Variants in CCDC30 observed in about 807,000 individuals in gnomAD.
CCDC30 encodes the protein coiled-coil domain containing 30, also known as coiled-coil domain-containing protein 30.
A neutral mutation model predicts 100.2 loss-of-function variants in CCDC30; 70 were observed. That is an observed-to-expected ratio of 0.70 (90% CI 0.58 to 0.85). The LOEUF (loss-of-function observed/expected upper bound fraction) is 0.85. Ranked by LOEUF, CCDC30 falls within the 40% of genes least tolerant of loss-of-function variation. CCDC30 has a pLI of 0.00. For synonymous variants in CCDC30, 233 were observed against 269.5 expected, an observed-to-expected ratio of 0.86 and a Z score of 1.33; for missense variants, 652 against 771.2, an observed-to-expected ratio of 0.85 and a Z score of 1.83.
At chr1:42,619,993 A>G (rs1646800094) in intron 11 of CCDC30, among the ~76,000 whole-genome samples, 1 of 152,206 alleles carries the variant, frequency 6.6e-6, no homozygotes, top group Non-Finnish European at 1.5e-5. Context: ...GCATCTAGAT[A>G]AGTCTGCTTT....
chr1:42,583,070 A>T (rs1570145059), intron 9 of CCDC30, among the ~76,000 whole-genome samples: 1 of 151,992 alleles, frequency 6.6e-6, no homozygotes, highest in Non-Finnish European at 1.5e-5. Flanking sequence ...CAAAAAAATT[A>T]TTTTTTTTCT....
At chr1:42,482,891 G>GA (rs202122677) in intron 3 of CCDC30, 75 bp downstream of exon 3, 60,623 of 637,478 alleles carry the variant, frequency 0.095, 4 homozygotes, top group East Asian at 0.12. Flanking sequence ...TGGAACATGA[G>GA]AAAAAAAAAA....
chr1:42,540,529 G>A (rs1055325653), intron 6 of CCDC30, among the ~76,000 whole-genome samples: 1 of 152,082 alleles, frequency 6.6e-6, no homozygotes, highest in African/African-American at 2.4e-5. Flanking sequence ...AACTTTTTAT[G>A]TTGAAATAAT....
chr1:42,494,387 A>G (rs57865411), intron 4 of CCDC30, among the ~76,000 whole-genome samples: 20,688 of 152,178 alleles, frequency 0.14, 1,547 homozygotes, highest in East Asian at 0.18. Flanking sequence ...TGTTAGACCT[A>G]AAACCATAAA....
Position 42,653,864 on chromosome 1 carries a change from AC to A in CCDC30, c.1970del (p.Thr657MetfsTer34), listed in dbSNP as rs1244641300. 1.2e-6 allele frequency: 2 copies of A among 1,614,114 alleles called. No individual in the cohort carries two copies. Among genetic ancestry groups the A allele is most frequent in the East Asian group, 4.5e-5 (2 of 44,870 alleles). ...AGAGTCATTTGCAAGTCTTCAAGAG[AC>A]TGAAGAGATCAAGTCAAAAGAAGCA... On this transcript the variant is annotated frameshift_variant, in exon 17 of 17. Transcript: ENST00000668663. LOFTEE classifies it low-confidence loss of function (END_TRUNC).
chr1:42,459,478 C>G, upstream of CCDC30: 1 of 859,678 alleles, frequency 1.2e-6, no homozygotes, highest in Non-Finnish European at 1.8e-6. Context: ...TTAAACTAAA[C>G]ATTTAACTGA....
chr1:42,481,576 CAAAAAA>C (rs11312516), intron 2 of CCDC30, among the ~76,000 whole-genome samples: 4 of 110,604 alleles, frequency 3.6e-5, no homozygotes, highest in Admixed American at 2.0e-4. Context: ...AACCCTGTCT[CAAAAAA>C]AAAAAAAAAA....
intron 1 of CCDC30, among the ~76,000 whole-genome samples, chr1:42,479,047 T>C (rs1033452022): frequency 6.6e-6 from 1 of 152,174 alleles, no homozygotes; most frequent in Non-Finnish European, 1.5e-5. Flanking sequence ...CTTCCTGATT[T>C]CAAGACTTAA....
At chr1:42,495,015 C>A (rs1258318040) in intron 4 of CCDC30, among the ~76,000 whole-genome samples, 5 of 122,996 alleles carry the variant, frequency 4.1e-5, no homozygotes, top group Admixed American at 1.8e-4. Context: ...GGTATATACC[C>A]AAAGGACTAT....
chr1:42,595,932 A>G (rs930400421), intron 10 of CCDC30, among the ~76,000 whole-genome samples: 2 of 152,196 alleles, frequency 1.3e-5, no homozygotes, highest in Admixed American at 1.3e-4. Flanking sequence ...GTGCGAATGC[A>G]AAAACATGTG....
At chr1:42,469,666 T>C (rs892359916) in intron 1 of CCDC30, among the ~76,000 whole-genome samples, 1 of 152,116 alleles carries the variant, frequency 6.6e-6, no homozygotes, top group African/African-American at 2.4e-5. Flanking sequence ...GGGATTAACC[T>C]TGATCAGGAG....
intron 11 of CCDC30, among the ~76,000 whole-genome samples, chr1:42,633,092 A>G (rs889816328): frequency 9.2e-5 from 14 of 152,120 alleles, no homozygotes; most frequent in African/African-American, 3.1e-4. Flanking sequence ...TTACAGGTGT[A>G]AGCCAACACG....
intron 6 of CCDC30, among the ~76,000 whole-genome samples, chr1:42,515,183 G>A: frequency 7.0e-6 from 1 of 142,546 alleles, no homozygotes; most frequent in African/African-American, 2.6e-5. Context: ...CAGAGGCAGA[G>A]ACTGGAATGA....
At chr1:42,521,895 T>C (rs1644653652) in intron 6 of CCDC30, among the ~76,000 whole-genome samples, 3 of 152,068 alleles carry the variant, frequency 2.0e-5, no homozygotes, top group Admixed American at 2.0e-4. Flanking sequence ...ATTTGGTTAC[T>C]ATTTGCATGA....
intron 1 of CCDC30, chr1:42,473,301 G>T: frequency 8.2e-7 from 1 of 1,226,812 alleles, no homozygotes; most frequent in Non-Finnish European, 1.0e-6. Context: ...TGAAACAAAA[G>T]AAGTGAGAAC....
At chr1:42,624,324 C>A (rs1646893676) in intron 11 of CCDC30, among the ~76,000 whole-genome samples, 1 of 152,020 alleles carries the variant, frequency 6.6e-6, no homozygotes, top group Non-Finnish European at 1.5e-5. Context: ...GGTTTTTGTC[C>A]TGTTGATATG....
At chr1:42,492,669 A>G (rs1316249582) in intron 4 of CCDC30, among the ~76,000 whole-genome samples, 1 of 151,394 alleles carries the variant, frequency 6.6e-6, no homozygotes, top group Non-Finnish European at 1.5e-5. Flanking sequence ...TTTTTTTGAG[A>G]CGGATTCTCA....
At chr1:42,537,516 G>A in intron 6 of CCDC30, 1 of 341,212 alleles carries the variant, frequency 2.9e-6, no homozygotes, top group Non-Finnish European at 5.7e-6. Context: ...CTCCCACTTT[G>A]ACTTCAAGGC....
chr1:42,622,882 C>T (rs1646867405), intron 11 of CCDC30, among the ~76,000 whole-genome samples: 1 of 152,176 alleles, frequency 6.6e-6, no homozygotes, highest in Non-Finnish European at 1.5e-5. Flanking sequence ...TCCACATCCT[C>T]ATCAGCATTT....
Sources: allele counts gnomAD v4.1 joint callset (sites outside exome capture counted in the v4.1 genomes callset), GRCh38; gene constraint gnomAD v4.1.1; transcripts MANE v1.5; gene names NCBI Gene and HGNC (gene_info 2026-07-23, HGNC 2026-07-21).